PAX6: variants seen among roughly 807,000 people sequenced by gnomAD.
PAX6 encodes the protein paired box 6.
Under a neutral mutation model 60.7 loss-of-function variants are expected in PAX6, and 7 were observed. That is an observed-to-expected ratio of 0.12 (90% confidence interval 0.07 to 0.22). The LOEUF is 0.22. Among genes scored for constraint, PAX6 ranks in the 10% least tolerant of loss-of-function variants. The pLI, the probability that PAX6 is intolerant of heterozygous loss-of-function variation, is 1.00. For missense variants in PAX6, 355 were observed against 555.2 expected, an observed-to-expected ratio of 0.64 and a Z score of 3.62; for synonymous variants, 208 against 201.2, an observed-to-expected ratio of 1.03 and a Z score of -0.29.
In PAX6 at chr11:31,806,515, T is replaced by A. The variant is rs1303369619; in HGVS notation, c.-51-53A>T. 15 of 1,426,044 alleles carry A rather than the reference T, an allele frequency of 1.1e-5. No homozygotes were observed. In the Admixed American group the frequency reaches 2.5e-4, roughly 24 times the overall value. The allele number at this position is 1,426,044 out of a possible 1,614,324, so 88.3% of individuals were successfully genotyped here. ...CTCGGGCAGCTGCATCAGGTAGGCC[T>A]GAACTCCCAACCGAGGTGGACCTGG... On this transcript the variant is annotated intron_variant, in intron 3 of 13. Coordinates refer to ENST00000640368, the MANE Select transcript of PAX6 (RefSeq NM_001368894.2).
chr11:31,796,556 T>C (rs1951611038), intron 8 of PAX6, among the ~76,000 whole-genome samples: 1 of 110,876 alleles, frequency 9.0e-6, no homozygotes, highest in Non-Finnish European at 1.7e-5. Context: ...GGTTCCTACA[T>C]AGAGGAGATG....
intron 8 of PAX6, 24 bp downstream of exon 8, chr11:31,800,667 C>T (rs200176007): frequency 3.1e-6 from 5 of 1,613,518 alleles, no homozygotes; most frequent in Admixed American, 1.7e-5. Flanking sequence ...TGGAGAGCTG[C>T]GTGGATGGCT....
rs1955903665 is a variant in PAX6 at position 31,806,756 on chromosome 11, C to A, written c.-52+93G>T. ...CGATGCCCCAATTTTGATTTATTTT[C>A]TTCTATCTGAACTATAGTGAAGAAG... On this transcript the variant is annotated intron_variant, in intron 3 of 13. Transcript: ENST00000640368. 3 of 347,456 alleles carry A rather than the reference C, an allele frequency of 8.6e-6. No individual in the cohort carries two copies. In the South Asian group the frequency reaches 2.4e-4, roughly 28 times the overall value. 21.5% of individuals were successfully genotyped at this position (347,456 alleles called of 1,614,324 possible). A position where few individuals can be genotyped will look rare whatever the true frequency, so the allele number is the denominator to read the frequency against.
intron 13 of PAX6, chr11:31,790,348 A>G: frequency 2.4e-6 from 2 of 846,636 alleles, no homozygotes; most frequent in Non-Finnish European, 3.2e-6. Context: ...TTTTATTTCC[A>G]GCAAAAGGTC....
intron 12 of PAX6, 27 bp downstream of exon 12, chr11:31,793,411 A>C (rs1283333612): frequency 6.3e-7 from 1 of 1,597,634 alleles, no homozygotes; most frequent in Non-Finnish European, 8.6e-7. Flanking sequence ...GGCCTGGGTT[A>C]TGCAGGCCAC....
chr11:31,802,033 C>A (rs12418880), intron 5 of PAX6, 121 bp from the exon 6 acceptor site: 1 of 837,826 alleles, frequency 1.2e-6, no homozygotes, highest in Non-Finnish European at 1.9e-6. Flanking sequence ...ACAATTTGAA[C>A]TAAAAAACGA....
At chr11:31,790,234 AC>A (rs1035869139) in intron 13 of PAX6, 6 of 526,122 alleles carry the variant, frequency 1.1e-5, no homozygotes, top group African/African-American at 3.9e-5. Context: ...GATCCCAAGT[AC>A]CCCCCACCCC....
At chr11:31,798,467 G>A (rs1345683494) in intron 8 of PAX6, among the ~76,000 whole-genome samples, 2 of 152,188 alleles carry the variant, frequency 1.3e-5, no homozygotes, top group Admixed American at 6.5e-5. Context: ...AAGGGGGCTA[G>A]GGAGGGAGGG....
intron 2 of PAX6, chr11:31,810,245 G>T (rs548252778): frequency 6.6e-6 from 1 of 152,274 alleles, no homozygotes; most frequent in Non-Finnish European, 1.5e-5. Flanking sequence ...CTCGAGTGCC[G>T]GCTGACTCTT....
Position 31,802,473 on chromosome 11 carries a change from G to A in PAX6, c.141+231C>T, listed in dbSNP as rs3026372. The stretch of plus-strand genomic sequence containing the variant: ...AAAAATCCGCACACAATATTTTTCT[G>A]AAGCAGATGAGTTATCTTATGTAAC... On this transcript the variant is annotated intron_variant, in intron 5 of 13. Coordinates refer to ENST00000640368, the MANE Select transcript of PAX6 (RefSeq NM_001368894.2). 0.014 allele frequency: 7,083 copies of A among 512,006 alleles called. 412 individuals are homozygous for A. The highest frequency in any genetic ancestry group is 0.12 in the African/African-American group (6,374 of 51,894). 31.7% of individuals were successfully genotyped at this position (512,006 alleles called of 1,614,324 possible).
intron 2 of PAX6, 72 bp downstream of exon 2, chr11:31,810,756 A>C (rs1238776943): frequency 4.0e-5 from 16 of 396,374 alleles, no homozygotes; most frequent in Non-Finnish European, 6.7e-5. Context: ...GGAGGAAGGA[A>C]GGGGGGAGGA....
intron 1 of PAX6, among the ~76,000 whole-genome samples, chr11:31,816,901 G>T (rs910304272): frequency 6.6e-6 from 1 of 152,262 alleles, no homozygotes; most frequent in Admixed American, 6.5e-5. Flanking sequence ...GCCGGCCTGG[G>T]CGTCTCCAGC....
rs1424540247 is a variant in PAX6, at chr11:31,789,545, G to C, written c.*389C>G. On this transcript the variant is annotated 3_prime_UTR_variant, in exon 14 of 14. Coordinates refer to ENST00000640368, the MANE Select transcript of PAX6 (RefSeq NM_001368894.2). ...ATATCTTGATAAAACTCTTAAATTC[G>C]TGGCAAAGCTTGTTGATCATGGTTT... is the stretch of plus-strand genomic sequence containing the variant. 2 of 595,782 alleles carry C rather than the reference G, an allele frequency of 3.4e-6. No individual in the cohort carries two copies. Among genetic ancestry groups the C allele is most frequent in the African/African-American group, 1.9e-5 (1 of 52,950 alleles). 36.9% of individuals were successfully genotyped at this position (595,782 alleles called of 1,614,324 possible). A position where few individuals can be genotyped will look rare whatever the true frequency, so the allele number is the denominator to read the frequency against.
chr11:31,789,457 G>A lies in PAX6; in HGVS notation c.*477C>T, dbSNP rs1246154713. ...TGTTCCAGGTTTAATTATATGCAAAGGAATGATACAAACTTGGAACATCAG... is the reference window on the plus strand; with the variant it reads ...TGTTCCAGGTTTAATTATATGCAAAAGAATGATACAAACTTGGAACATCAG... On this transcript the variant is annotated 3_prime_UTR_variant, in exon 14 of 14. Coordinates refer to ENST00000640368, the MANE Select transcript of PAX6 (RefSeq NM_001368894.2). The A allele has an allele frequency of 6.5e-6, 3 of 462,566 alleles. No homozygotes were observed. The highest frequency in any genetic ancestry group is 2.0e-5 in the African/African-American group (1 of 49,478). 28.7% of individuals were successfully genotyped at this position (462,566 alleles called of 1,614,324 possible).
intron 1 of PAX6, chr11:31,816,733 C>T: frequency 1.5e-6 from 1 of 682,038 alleles, no homozygotes; most frequent in Non-Finnish European, 2.7e-6. Flanking sequence ...GCGGAGGTCC[C>T]AACACCTGTC....
chr11:31,800,639 G>A (rs372942339), intron 8 of PAX6, 52 bp downstream of exon 8: 72 of 1,602,106 alleles, frequency 4.5e-5, no homozygotes, highest in Non-Finnish European at 5.7e-5. Context: ...GTAGGGGACA[G>A]GCAAAGGGAT....
upstream of PAX6, among the ~76,000 whole-genome samples, chr11:31,813,397 G>C (rs572715511): frequency 2.8e-5 from 3 of 105,510 alleles, no homozygotes; most frequent in Admixed American, 1.1e-4. Context: ...GGCGGGGGGG[G>C]GGGAAGTGAT....
chr11:31,800,525 C>A, intron 8 of PAX6, 166 bp downstream of exon 8: 1 of 878,782 alleles, frequency 1.1e-6, no homozygotes, highest in South Asian at 1.4e-5. Flanking sequence ...GTTCAACAAA[C>A]ACCACCTACA....
intron 2 of PAX6, 198 bp downstream of exon 2, chr11:31,810,630 G>C (rs894595276): frequency 5.4e-6 from 2 of 372,290 alleles, no homozygotes; most frequent in Admixed American, 9.2e-5. Context: ...CCCGCTCGCC[G>C]GCAGTCGCCC....
Sources: allele counts gnomAD v4.1 joint callset (sites outside exome capture counted in the v4.1 genomes callset), GRCh38; gene constraint gnomAD v4.1.1; transcripts MANE v1.5; gene names NCBI Gene and HGNC (gene_info 2026-07-23, HGNC 2026-07-21).